The following ME1 variants were observed in gnomAD, a reference collection of about 807,000 sequenced individuals.
ME1 encodes the protein NADP-dependent malic enzyme.
Under a neutral mutation model 66.4 loss-of-function variants are expected in ME1, and 74 were observed. The ratio of observed to expected loss-of-function variants is 1.11; its 90% CI spans 0.92 to 1.35. The LOEUF (loss-of-function observed/expected upper bound fraction) is 1.35, where lower values mean the gene tolerates loss of function less well. Among genes scored for constraint, ME1 ranks in the 40% most tolerant of loss-of-function variants. The pLI is 0.00. For missense variants in ME1, 750 were observed against 694.1 expected (o/e 1.08, Z -0.90); for synonymous variants, 251 against 235.6 (o/e 1.07, Z -0.60).
intron 11 of ME1, among the ~76,000 whole-genome samples, chr6:83,224,592 G>A (rs9444048): frequency 0.1 from 15,374 of 150,164 alleles, 1,022 homozygotes; most frequent in East Asian, 0.25. Flanking sequence ...GCTGAGGCAG[G>A]AGAATCGCTT....
At chr6:83,421,097 C>T (rs1002012868) in intron 1 of ME1, among the ~76,000 whole-genome samples, 1 of 151,954 alleles carries the variant, frequency 6.6e-6, no homozygotes, top group African/African-American at 2.4e-5. Flanking sequence ...TCCTTCACAG[C>T]ACAAAAAGGG....
chr6:83,430,983 A>C lies in ME1; in HGVS notation c.-29T>G. On this transcript the variant is annotated 5_prime_UTR_variant, in exon 1 of 14. Transcript: ENST00000369705. ...TGGCGCCGGGTTCGGCGGCGGGGTC[A>C]GGCCGGGGCGGGCCGCACGCGCGGT... 7.0e-7 allele frequency: 1 copy of C among 1,437,484 alleles called. No individual in the cohort carries two copies. Among genetic ancestry groups the C allele is most frequent in the Non-Finnish European group, 9.2e-7 (1 of 1,087,668 alleles). The allele number at this position is 1,437,484 out of a possible 1,614,324, so 89.0% of individuals were successfully genotyped here.
At chr6:83,425,604 C>G (rs1770355847) in intron 1 of ME1, among the ~76,000 whole-genome samples, 1 of 151,988 alleles carries the variant, frequency 6.6e-6, no homozygotes, top group African/African-American at 2.4e-5. Context: ...GGTAACCACC[C>G]CCATCATTCA....
intron 6 of ME1, among the ~76,000 whole-genome samples, chr6:83,289,521 G>A (rs1369799268): frequency 3.3e-5 from 5 of 151,158 alleles, no homozygotes; most frequent in African/African-American, 9.7e-5. Flanking sequence ...TGGTGGATAA[G>A]CTTTTTGATT....
chr6:83,274,997 A>G (rs1767150010), intron 6 of ME1, among the ~76,000 whole-genome samples: 1 of 152,216 alleles, frequency 6.6e-6, no homozygotes. Flanking sequence ...GTGAAATTAG[A>G]TGTGACTAGA....
intron 3 of ME1, among the ~76,000 whole-genome samples, chr6:83,370,226 C>T (rs917602832): frequency 1.3e-5 from 2 of 152,138 alleles, no homozygotes; most frequent in Non-Finnish European, 2.9e-5. Context: ...CTGTCTTTCT[C>T]AGTCTGTACT....
At chr6:83,328,545 C>T (rs752259403) in intron 5 of ME1, among the ~76,000 whole-genome samples, 11 of 152,014 alleles carry the variant, frequency 7.2e-5, no homozygotes, top group Non-Finnish European at 1.6e-4. Flanking sequence ...ATAATCAAGG[C>T]TTGAATAATT....
chr6:83,275,505 G>C (rs1386835040), intron 6 of ME1, among the ~76,000 whole-genome samples: 2 of 114,198 alleles, frequency 1.8e-5, no homozygotes, highest in South Asian at 5.9e-4. Context: ...TTGCTCTGTC[G>C]CCCAGGCTGG....
intron 6 of ME1, among the ~76,000 whole-genome samples, chr6:83,293,680 G>T (rs1034935316): frequency 6.6e-6 from 1 of 152,176 alleles, no homozygotes; most frequent in African/African-American, 2.4e-5. Context: ...GGAAAGGGGT[G>T]AAATGAAGTA....
At chr6:83,420,724 A>G (rs1261864028) in intron 1 of ME1, among the ~76,000 whole-genome samples, 1 of 152,204 alleles carries the variant, frequency 6.6e-6, no homozygotes, top group East Asian at 1.9e-4. Flanking sequence ...TGTTACTTCA[A>G]GAATAATCCC....
intron 1 of ME1, among the ~76,000 whole-genome samples, chr6:83,423,212 T>C (rs1183764983): frequency 6.8e-6 from 1 of 146,986 alleles, no homozygotes; most frequent in Non-Finnish European, 1.5e-5. Context: ...TTTTTTTAGG[T>C]CTTAAAGGGA....
At chr6:83,360,038 C>T (rs749988872) in intron 3 of ME1, among the ~76,000 whole-genome samples, 1 of 152,152 alleles carries the variant, frequency 6.6e-6, no homozygotes, top group Non-Finnish European at 1.5e-5. Context: ...TACTGCGTTC[C>T]TACTTAATCT....
At chr6:83,217,888 G>A (rs923120502) in intron 12 of ME1, among the ~76,000 whole-genome samples, 3 of 152,186 alleles carry the variant, frequency 2.0e-5, no homozygotes, top group East Asian at 1.9e-4. Context: ...AAATCCCGTC[G>A]GTGACTAAGG....
chr6:83,230,716 G>A (rs1012522601), intron 9 of ME1, among the ~76,000 whole-genome samples: 3 of 152,110 alleles, frequency 2.0e-5, no homozygotes, highest in African/African-American at 7.2e-5. Context: ...CGGATCACGA[G>A]GTCAGGAGAT....
At chr6:83,330,582 T>C (rs1275558529) in intron 5 of ME1, among the ~76,000 whole-genome samples, 2 of 152,210 alleles carry the variant, frequency 1.3e-5, no homozygotes, top group African/African-American at 4.8e-5. Context: ...CGAACTTGTA[T>C]TATTAAGTTA....
At chr6:83,314,445 T>C (rs553404692) in intron 6 of ME1, among the ~76,000 whole-genome samples, 266 of 152,308 alleles carry the variant, frequency 1.7e-3, no homozygotes, top group Middle Eastern at 6.8e-3. Context: ...TGCTAGCATA[T>C]AAAATTCAGA....
intron 13 of ME1, among the ~76,000 whole-genome samples, 185 bp from the exon 14 acceptor site, chr6:83,212,279 T>C (rs766452483): frequency 5.3e-5 from 8 of 152,100 alleles, no homozygotes; most frequent in Non-Finnish European, 8.8e-5. Flanking sequence ...ATAAATCATA[T>C]AGTGAGAGAG....
intron 3 of ME1, among the ~76,000 whole-genome samples, chr6:83,384,877 A>G (rs1180329404): frequency 6.6e-6 from 1 of 151,972 alleles, no homozygotes; most frequent in African/African-American, 2.4e-5. Context: ...TTTATTGAAT[A>G]GGGAGTCCTT....
chr6:83,393,065 C>T (rs1583414600), intron 3 of ME1: 3 of 1,439,430 alleles, frequency 2.1e-6, no homozygotes, highest in South Asian at 1.2e-5. Context: ...GGAAGGTCAT[C>T]CCTGAGCTAA....
Sources: gnomAD v4.1 joint callset for allele counts (sites outside exome capture counted in the v4.1 genomes callset) on GRCh38, gnomAD v4.1.1 for gene constraint, MANE v1.5 for transcripts, NCBI Gene and HGNC (gene_info 2026-07-23, HGNC 2026-07-21) for gene names.